The following TRAK1 variants were observed in gnomAD, a reference collection of about 807,000 sequenced individuals.
TRAK1 encodes the protein trafficking kinesin-binding protein 1.
TRAK1 carries 33 observed loss-of-function variants against 92.1 expected under a neutral mutation model. The observed-to-expected ratio is 0.36, with a 90% CI of 0.27 to 0.48. The LOEUF (loss-of-function observed/expected upper bound fraction) is 0.48, where lower values mean the gene tolerates loss of function less well. Among genes scored for constraint, TRAK1 ranks in the 20% least tolerant of loss-of-function variants. The pLI is 0.99. For missense variants in TRAK1, 1,123 were observed against 1,257.9 expected (o/e 0.89, Z 1.62); for synonymous variants, 521 against 517.3 (o/e 1.01, Z -0.10).
Position 42,223,290 on chromosome 3 carries a change from C to G in TRAK1, c.2415C>G (p.Pro805=), listed in dbSNP as rs1177823591. ...TTGAGTTCAAGTGCACGAGCCCTCC[C>G]TACGACAATTTCCTGGCTTCCAAGC... is the stretch of plus-strand genomic sequence containing the variant. ...PSFEFKCTSP[P]YDNFLASKPA... Residue 805 remains proline (P), a synonymous_variant, in exon 16 of 16, where the codon CCC becomes CCG. Transcript: ENST00000327628. This position sits in a 1 kb window ranked among gnomAD's most constrained non-coding sequence, Gnocchi z 6.1. The G allele has an allele frequency of 2.5e-6, 4 of 1,614,218 alleles. No individual in the cohort carries two copies. In the South Asian group the frequency reaches 4.4e-5, roughly 18 times the overall value.
At chr3:42,075,661 T>G (rs1247407983) in intron 1 of TRAK1, among the ~76,000 whole-genome samples, 2 of 152,144 alleles carry the variant, frequency 1.3e-5, no homozygotes, top group African/African-American at 4.8e-5. Flanking sequence ...ATCCATTACT[T>G]TTTGACTTTT....
chr3:42,025,843 C>T (rs776350738), intron 1 of TRAK1, among the ~76,000 whole-genome samples: 66 of 152,124 alleles, frequency 4.3e-4, no homozygotes, highest in Non-Finnish European at 2.8e-4. Context: ...TGTTCTTAGG[C>T]GGTGTTCCAG....
chr3:42,162,115 G>A (rs1701340486), intron 2 of TRAK1, among the ~76,000 whole-genome samples: 1 of 152,106 alleles, frequency 6.6e-6, no homozygotes. Flanking sequence ...ATGAGCTGCT[G>A]CCTTAAAGCC....
chr3:42,160,587 G>A, intron 2 of TRAK1: 1 of 1,173,512 alleles, frequency 8.5e-7, no homozygotes, highest in Non-Finnish European at 1.2e-6. Context: ...TTAAGTTGAG[G>A]TATAAGTTAG....
At chr3:42,027,849 ACT>A (rs1487878265) in intron 1 of TRAK1, among the ~76,000 whole-genome samples, 1 of 151,844 alleles carries the variant, frequency 6.6e-6, no homozygotes, top group Non-Finnish European at 1.5e-5. Context: ...TCAATGGCAG[ACT>A]CTGTTATTTT....
At position 42,188,049 on chromosome 3, in the gene TRAK1, C is replaced by T; in HGVS notation, c.485C>T (p.Ser162Phe). The change falls in exon 5 of 16, where the codon TCT (serine) becomes TTT (phenylalanine). Residue 162 changes from serine (S) to phenylalanine (F), a missense_variant. Coordinates refer to ENST00000327628, the MANE Select transcript of TRAK1 (RefSeq NM_001042646.3). ...GGGCCTGCTCTGCTTGTGCAGGTGT[C>T]TCAGCTCCGGCATGAGCTGTCCATG... Reference protein sequence around the residue: ...EQVEHIREEVSQLRHELSMKD... With the variant: ...EQVEHIREEVFQLRHELSMKD... 2 of 1,613,886 alleles carry T rather than the reference C, an allele frequency of 1.2e-6. No homozygotes were observed. The highest frequency in any genetic ancestry group is 1.7e-6 in the Non-Finnish European group (2 of 1,179,940).
chr3:42,197,038 ACG>A (rs1706814319), intron 10 of TRAK1, among the ~76,000 whole-genome samples: 2 of 142,662 alleles, frequency 1.4e-5, no homozygotes, highest in African/African-American at 2.6e-5. Flanking sequence ...ACACACACAC[ACG>A]TTGTTATATT....
intron 2 of TRAK1, among the ~76,000 whole-genome samples, chr3:42,168,451 G>A (rs766190179): frequency 2.5e-4 from 38 of 152,270 alleles, no homozygotes; most frequent in Non-Finnish European, 4.6e-4. Flanking sequence ...AAAGATTTTC[G>A]TTAAATTCAC....
rs773977076 is a variant in TRAK1 at position 42,197,002 on chromosome 3, TCACACACACACACA to T, written c.1113+2085_1113+2098del. 1.2e-3 allele frequency among the ~76,000 whole-genome samples: 122 copies of T among 103,600 alleles called. 1 individual carries two copies. The South Asian group carries it at 0.014, about 12-fold the overall frequency. The allele number at this position is 103,600 out of a possible 152,430, so 68.0% of individuals were successfully genotyped here. Reference sequence around the variant, plus strand: ...TTCTCTTTCTCTCTCTCTCTCTCTCTCACACACACACACACACACACACACACACACACACACGT... The same window carrying T: ...TTCTCTTTCTCTCTCTCTCTCTCTCTCACACACACACACACACACACACGT... On this transcript the variant is annotated intron_variant, in intron 10 of 15. Coordinates refer to ENST00000327628, the MANE Select transcript of TRAK1 (RefSeq NM_001042646.3).
chr3:42,057,553 G>A (rs1462165751), intron 1 of TRAK1, among the ~76,000 whole-genome samples: 1 of 152,142 alleles, frequency 6.6e-6, no homozygotes, highest in African/African-American at 2.4e-5. Flanking sequence ...TCCCTTTGCT[G>A]TAGTTGTGAC....
chr3:42,147,516 A>G (rs1041757536), intron 2 of TRAK1, among the ~76,000 whole-genome samples: 1 of 152,228 alleles, frequency 6.6e-6, no homozygotes, highest in Non-Finnish European at 1.5e-5. Context: ...AAAATTCATC[A>G]TCAGCATCAG....
At chr3:42,131,396 G>A (rs1012485739) in intron 2 of TRAK1, among the ~76,000 whole-genome samples, 8 of 152,074 alleles carry the variant, frequency 5.3e-5, no homozygotes, top group African/African-American at 1.9e-4. Flanking sequence ...ATCAGTGGCT[G>A]TCAACCCTGA....
intron 1 of TRAK1, among the ~76,000 whole-genome samples, chr3:42,111,677 G>A (rs528438665): frequency 6.6e-6 from 1 of 152,240 alleles, no homozygotes; most frequent in South Asian, 2.1e-4. Flanking sequence ...TAACAGGTGT[G>A]AGCCACTGCG....
chr3:42,178,228 T>A (rs1406524754), intron 3 of TRAK1, among the ~76,000 whole-genome samples: 2 of 152,196 alleles, frequency 1.3e-5, no homozygotes, highest in South Asian at 4.2e-4. Context: ...GCCTCAGCAG[T>A]GAGATTGTAG....
intron 1 of TRAK1, among the ~76,000 whole-genome samples, chr3:42,034,869 G>C (rs1649006436): frequency 6.6e-6 from 1 of 151,268 alleles, no homozygotes; most frequent in Non-Finnish European, 1.5e-5. Context: ...ACCTCCTTAG[G>C]AGCAGCACTT....
At chr3:42,023,752 T>TTA (rs1311383067) in intron 1 of TRAK1, among the ~76,000 whole-genome samples, 1 of 135,308 alleles carries the variant, frequency 7.4e-6, no homozygotes, top group African/African-American at 2.8e-5. Context: ...GGGTTTTTTT[T>TTA]TTTTTTTTTT....
intron 15 of TRAK1, among the ~76,000 whole-genome samples, chr3:42,220,214 A>G (rs928745738): frequency 3.9e-5 from 6 of 152,318 alleles, no homozygotes; most frequent in Middle Eastern, 3.4e-3. Flanking sequence ...GGTAATGACC[A>G]AAATGAGAAG....
chr3:42,089,170 G>A (rs1342834963), upstream of TRAK1, among the ~76,000 whole-genome samples: 1 of 152,162 alleles, frequency 6.6e-6, no homozygotes, highest in African/African-American at 2.4e-5. Flanking sequence ...CTCAGGCCAA[G>A]AACCTTGGAG....
chr3:42,182,299 C>CTTTT (rs57384116), intron 3 of TRAK1, among the ~76,000 whole-genome samples: 1 of 144,290 alleles, frequency 6.9e-6, no homozygotes. Flanking sequence ...GCAACTCTCT[C>CTTTT]TTTTTTTTTT....
Sources: gnomAD v4.1 joint callset for allele counts (sites outside exome capture counted in the v4.1 genomes callset) on GRCh38, gnomAD v4.1.1 for gene constraint, Gnocchi (gnomAD v3.1) non-coding constraint, MANE v1.5 for transcripts, NCBI Gene and HGNC (gene_info 2026-07-23, HGNC 2026-07-21) for gene names.